The following EYS variants were observed in gnomAD, a reference collection of about 807,000 sequenced individuals.
EYS encodes EGF-like photoreceptor maintenance factor.
EYS carries 250 observed loss-of-function variants against 282.1 expected under a neutral mutation model. That is an observed-to-expected ratio of 0.89 (90% CI 0.80 to 0.98). The LOEUF (loss-of-function observed/expected upper bound fraction) is 0.98. EYS is among the 50% of genes least tolerant of loss of function. The pLI, the probability that EYS is intolerant of heterozygous loss-of-function variation, is 0.00. For synonymous variants in EYS, 1,355 were observed against 1,282.9 expected, an observed-to-expected ratio of 1.06 and a Z score of -1.20; for missense variants, 4,016 against 3,709.0, an observed-to-expected ratio of 1.08 and a Z score of -2.15.
chr6:65,463,721 C>A (rs536070038), intron 5 of EYS, among the ~76,000 whole-genome samples: 2 of 152,170 alleles, frequency 1.3e-5, no homozygotes, highest in African/African-American at 4.8e-5. Context: ...AGTTTAAAAT[C>A]AAATATAATT....
intron 26 of EYS, among the ~76,000 whole-genome samples, chr6:64,468,867 T>C (rs1417723494): frequency 6.6e-6 from 1 of 152,212 alleles, no homozygotes; most frequent in East Asian, 1.9e-4. Context: ...TATTCCGTGG[T>C]GTATACATAT....
intron 2 of EYS, among the ~76,000 whole-genome samples, chr6:65,505,933 A>G (rs750265792): frequency 2.5e-4 from 38 of 152,122 alleles, no homozygotes; most frequent in Non-Finnish European, 4.4e-4. Flanking sequence ...GCATATCTTT[A>G]TGAGGTTTCT....
chr6:65,700,114 CAAAAAAAAAAAAA>C (rs1178482636), intron 1 of EYS, among the ~76,000 whole-genome samples: 1 of 51,794 alleles, frequency 1.9e-5, no homozygotes, highest in African/African-American at 9.6e-5. Context: ...GACTCCGTCT[CAAAAAAAAAAAAA>C]AAAAAAAAAA....
intron 26 of EYS, among the ~76,000 whole-genome samples, chr6:64,530,947 C>G (rs1319644725): frequency 6.6e-6 from 1 of 152,088 alleles, no homozygotes; most frequent in East Asian, 1.9e-4. Context: ...CAATCTCCGC[C>G]ACTTTCGGGT....
intron 13 of EYS, among the ~76,000 whole-genome samples, chr6:65,021,426 C>G (rs1160079734): frequency 3.9e-5 from 6 of 152,190 alleles, no homozygotes; most frequent in Non-Finnish European, 8.8e-5. Flanking sequence ...TATGAGACCA[C>G]CTCAGCCTCA....
chr6:64,224,456 A>C (rs776292552), intron 31 of EYS, among the ~76,000 whole-genome samples: 3 of 152,048 alleles, frequency 2.0e-5, no homozygotes, highest in Non-Finnish European at 4.4e-5. Flanking sequence ...TGCCATATGA[A>C]TCACACCTGA....
At chr6:65,053,655 T>G (rs1773337362) in intron 13 of EYS, among the ~76,000 whole-genome samples, 1 of 151,768 alleles carries the variant, frequency 6.6e-6, no homozygotes, top group African/African-American at 2.4e-5. Flanking sequence ...GAGGACCAGA[T>G]AGTAAATAAT....
chr6:63,737,948 A>G (rs1333033249), intron 41 of EYS, among the ~76,000 whole-genome samples: 2 of 152,210 alleles, frequency 1.3e-5, no homozygotes, highest in Non-Finnish European at 2.9e-5. Context: ...CACTTCTCAA[A>G]AGAAGACATT....
At chr6:63,731,973 G>A (rs1257393882) in intron 41 of EYS, among the ~76,000 whole-genome samples, 2 of 152,044 alleles carry the variant, frequency 1.3e-5, no homozygotes, top group African/African-American at 4.8e-5. Flanking sequence ...CTGGGAGGGG[G>A]GGTCTCAAGA....
At chr6:65,316,074 T>C (rs1316822531) in intron 11 of EYS, among the ~76,000 whole-genome samples, 1 of 152,252 alleles carries the variant, frequency 6.6e-6, no homozygotes, top group East Asian at 1.9e-4. Flanking sequence ...TCCTTCTTTT[T>C]TCTATTGCAT....
intron 22 of EYS, among the ~76,000 whole-genome samples, chr6:64,757,187 T>A (rs1398574519): frequency 6.6e-6 from 1 of 152,116 alleles, no homozygotes; most frequent in Non-Finnish European, 1.5e-5. Flanking sequence ...TGACCTGATG[T>A]TTTTTGTCTG....
chr6:65,114,531 T>C (rs1051220400), intron 12 of EYS, among the ~76,000 whole-genome samples: 4 of 151,788 alleles, frequency 2.6e-5, no homozygotes, highest in African/African-American at 9.7e-5. Context: ...AATACAGTAG[T>C]ATTTTCTGTC....
intron 5 of EYS, among the ~76,000 whole-genome samples, chr6:65,486,635 T>A (rs1765793748): frequency 6.6e-6 from 1 of 152,190 alleles, no homozygotes; most frequent in Admixed American, 6.5e-5. Flanking sequence ...TGCTTTGGAA[T>A]AGCTGGGCTT....
chr6:64,243,421 A>G (rs1172237957), intron 30 of EYS, among the ~76,000 whole-genome samples: 1 of 152,214 alleles, frequency 6.6e-6, no homozygotes, highest in African/African-American at 2.4e-5. Flanking sequence ...ATAGTCATTC[A>G]GCCACTTTCG....
chr6:63,843,224 T>G (rs1308386520), intron 36 of EYS, among the ~76,000 whole-genome samples: 1 of 152,194 alleles, frequency 6.6e-6, no homozygotes, highest in Non-Finnish European at 1.5e-5. Context: ...ACGATATTGA[T>G]TCTTCCTGTC....
chr6:64,047,252 A>G (rs1358121480), intron 33 of EYS, among the ~76,000 whole-genome samples: 11 of 152,198 alleles, frequency 7.2e-5, no homozygotes, highest in Non-Finnish European at 1.6e-4. Context: ...TAATAATTCA[A>G]TAATTCCACT....
At chr6:65,584,021 G>A (rs1764956282) in intron 2 of EYS, among the ~76,000 whole-genome samples, 1 of 151,768 alleles carries the variant, frequency 6.6e-6, no homozygotes, top group South Asian at 2.1e-4. Context: ...TTTGTTGACT[G>A]GATGAATTCT....
At position 64,637,332 on chromosome 6, in the gene EYS, C is replaced by G. The variant is rs1371622246; in HGVS notation, c.3444-11087G>C. The stretch of plus-strand genomic sequence containing the variant: ...ACTGGAAACCATAATTCTCAGCAAA[C>G]TATCGCAAGGACAAAAAAACAAACA... On this transcript the variant is annotated intron_variant, in intron 22 of 42. Coordinates refer to ENST00000503581, the MANE Select transcript of EYS (RefSeq NM_001142800.2). 3.4e-5 allele frequency among the ~76,000 whole-genome samples: 3 copies of G among 87,540 alleles called. 1 individual carries two copies. Among genetic ancestry groups the G allele is most frequent in the African/African-American group, 1.3e-4 (3 of 22,580 alleles). The allele number at this position is 87,540 out of a possible 152,430, so 57.4% of individuals were successfully genotyped here.
At chr6:64,302,067 C>A (rs1157045729) in intron 30 of EYS, among the ~76,000 whole-genome samples, 1 of 152,212 alleles carries the variant, frequency 6.6e-6, no homozygotes, top group East Asian at 1.9e-4. Context: ...TCACCAATTG[C>A]TAAATCAACG....
Sources: allele counts gnomAD v4.1 joint callset (sites outside exome capture counted in the v4.1 genomes callset), GRCh38; gene constraint gnomAD v4.1.1; transcripts MANE v1.5; gene names NCBI Gene and HGNC (gene_info 2026-07-23, HGNC 2026-07-21).